Variants in CSMD3 observed in about 807,000 individuals in gnomAD.
CSMD3 encodes the protein CUB and sushi domain-containing protein 3.
CSMD3 carries 177 observed loss-of-function variants against 435.2 expected under a neutral mutation model. The ratio of observed to expected loss-of-function variants is 0.41; its 90% CI spans 0.36 to 0.46. The LOEUF (loss-of-function observed/expected upper bound fraction) is 0.46, where lower values mean the gene tolerates loss of function less well. Ranked by LOEUF, CSMD3 falls within the 20% of genes least tolerant of loss-of-function variation. The pLI is 0.34. For missense variants in CSMD3, 4,265 were observed against 4,504.6 expected (o/e 0.95, Z 1.52); for synonymous variants, 1,656 against 1,520.5 (o/e 1.09, Z -2.07).
intron 1 of CSMD3, among the ~76,000 whole-genome samples, chr8:113,358,101 T>C (rs1011946365): frequency 1.3e-5 from 2 of 152,212 alleles, no homozygotes; most frequent in African/African-American, 4.8e-5. Flanking sequence ...ATGGATATTT[T>C]GCACAATGTA....
At chr8:113,311,886 G>A (rs868051809) in intron 2 of CSMD3, 3 of 152,040 alleles carry the variant, frequency 2.0e-5, no homozygotes, top group African/African-American at 7.2e-5. Context: ...TTAGAATATA[G>A]TCTTGTCATT....
intron 1 of CSMD3, among the ~76,000 whole-genome samples, chr8:113,406,286 T>A (rs947348635): frequency 6.6e-6 from 1 of 151,820 alleles, no homozygotes; most frequent in African/African-American, 2.4e-5. Flanking sequence ...AATAGACATG[T>A]GATAAGGGCT....
chr8:112,821,214 T>G (rs894158785), intron 12 of CSMD3, among the ~76,000 whole-genome samples: 2 of 152,198 alleles, frequency 1.3e-5, no homozygotes, highest in African/African-American at 2.4e-5. Context: ...TCTAGACCCT[T>G]AAGAAATCAC....
chr8:112,225,194 A>C (rs917681457), intron 70 of CSMD3, among the ~76,000 whole-genome samples: 10 of 152,102 alleles, frequency 6.6e-5, no homozygotes, highest in African/African-American at 1.9e-4. Flanking sequence ...GGCTATAATA[A>C]ATTTTCTTAC....
chr8:112,777,370 AT>A (rs1171868866), intron 13 of CSMD3, among the ~76,000 whole-genome samples: 7 of 151,796 alleles, frequency 4.6e-5, no homozygotes, highest in Non-Finnish European at 1.5e-5. Flanking sequence ...TGTATAAGGC[AT>A]TTTCATCCTG....
At chr8:112,810,577 T>C (rs1033838892) in intron 12 of CSMD3, among the ~76,000 whole-genome samples, 6 of 152,102 alleles carry the variant, frequency 3.9e-5, no homozygotes, top group Non-Finnish European at 7.4e-5. Context: ...ATAGGCTTTT[T>C]CCACAAGAAT....
chr8:112,897,686 CTCTCTCTCTG>C (rs1166353158), intron 10 of CSMD3, among the ~76,000 whole-genome samples: 9 of 89,102 alleles, frequency 1.0e-4, no homozygotes, highest in East Asian at 6.4e-4. Flanking sequence ...CTCTCTCTCT[CTCTCTCTCTG>C]TGTGTGTGTG....
intron 1 of CSMD3, among the ~76,000 whole-genome samples, chr8:113,395,134 A>G (rs2094477386): frequency 1.3e-5 from 2 of 152,174 alleles, no homozygotes; most frequent in African/African-American, 4.8e-5. Context: ...TTAAATTTGA[A>G]ATCTAGTACA....
intron 5 of CSMD3, among the ~76,000 whole-genome samples, chr8:113,028,042 G>A (rs2086941764): frequency 6.6e-6 from 1 of 152,052 alleles, no homozygotes; most frequent in Non-Finnish European, 1.5e-5. Flanking sequence ...TGTTGTTGCT[G>A]TTGTTTTACA....
At chr8:113,174,133 A>G (rs1414219792) in intron 3 of CSMD3, among the ~76,000 whole-genome samples, 2 of 152,160 alleles carry the variant, frequency 1.3e-5, no homozygotes, top group Non-Finnish European at 2.9e-5. Flanking sequence ...TTTATGCTAG[A>G]AAGTTTTAGA....
At chr8:113,052,970 G>C (rs1241912824) in intron 5 of CSMD3, among the ~76,000 whole-genome samples, 1 of 152,064 alleles carries the variant, frequency 6.6e-6, no homozygotes, top group Non-Finnish European at 1.5e-5. Flanking sequence ...CATTATTTGT[G>C]CTTAAGCTCA....
At chr8:112,248,266 A>T (rs1329209674) in intron 63 of CSMD3, among the ~76,000 whole-genome samples, 1 of 152,134 alleles carries the variant, frequency 6.6e-6, no homozygotes, top group Non-Finnish European at 1.5e-5. Flanking sequence ...AATAAATTAT[A>T]GGCATGATGA....
intron 24 of CSMD3, among the ~76,000 whole-genome samples, chr8:112,559,356 A>G (rs1828409330): frequency 1.3e-5 from 2 of 151,884 alleles, no homozygotes; most frequent in East Asian, 1.9e-4. Flanking sequence ...TTTCCATCCA[A>G]TCTCCAAGGA....
chr8:112,540,438 T>C (rs1351667675), intron 27 of CSMD3, among the ~76,000 whole-genome samples: 1 of 151,978 alleles, frequency 6.6e-6, no homozygotes, highest in Non-Finnish European at 1.5e-5. Context: ...CGGGTATTTA[T>C]CCAAAAGAAA....
chr8:112,704,911 A>G (rs2076466270), intron 13 of CSMD3, among the ~76,000 whole-genome samples: 1 of 152,116 alleles, frequency 6.6e-6, no homozygotes, highest in Admixed American at 6.6e-5. Context: ...AATTTATTTC[A>G]TGTCCAAAAC....
At chr8:112,616,885 C>T (rs1421003335) in intron 22 of CSMD3, among the ~76,000 whole-genome samples, 1 of 152,060 alleles carries the variant, frequency 6.6e-6, no homozygotes, top group Admixed American at 6.6e-5. Flanking sequence ...TATATAGAAG[C>T]CTGAAAATGT....
At chr8:112,829,546 G>A in intron 12 of CSMD3, 140 bp downstream of exon 12, 1 of 694,998 alleles carries the variant, frequency 1.4e-6, no homozygotes, top group Non-Finnish European at 2.6e-6. Context: ...CAGATTCTAT[G>A]AAAGTTAACA....
chr8:113,297,120 T>A (rs1439211584), intron 2 of CSMD3, among the ~76,000 whole-genome samples: 1 of 152,112 alleles, frequency 6.6e-6, no homozygotes, highest in South Asian at 2.1e-4. Flanking sequence ...TTGTATATAT[T>A]GAATTAAATT....
intron 4 of CSMD3, among the ~76,000 whole-genome samples, chr8:113,164,122 A>T (rs2092102429): frequency 6.6e-6 from 1 of 152,054 alleles, no homozygotes; most frequent in Non-Finnish European, 1.5e-5. Flanking sequence ...TATAATGCTG[A>T]TTCTAACAAA....
Sources: gnomAD v4.1 joint callset for allele counts (sites outside exome capture counted in the v4.1 genomes callset) on GRCh38, gnomAD v4.1.1 for gene constraint, MANE v1.5 for transcripts, NCBI Gene and HGNC (gene_info 2026-07-23, HGNC 2026-07-21) for gene names.